DNAH5: variants seen among roughly 807,000 people sequenced by gnomAD.
The protein encoded by DNAH5 is axonemal beta dynein heavy chain 5.
A neutral mutation model predicts 518.2 loss-of-function variants in DNAH5; 372 were observed. The ratio of observed to expected loss-of-function variants is 0.72; its 90% CI spans 0.66 to 0.78. The LOEUF (loss-of-function observed/expected upper bound fraction) is 0.78, where lower values mean the gene tolerates loss of function less well. Ranked by LOEUF, DNAH5 falls within the 30% of genes least tolerant of loss-of-function variation. The pLI is 0.00. For missense variants in DNAH5, 5,523 were observed against 5,687.0 expected, an observed-to-expected ratio of 0.97 and a Z score of 0.93; for synonymous variants, 2,039 against 2,025.9, an observed-to-expected ratio of 1.01 and a Z score of -0.17.
At chr5:13,921,886 A>T (rs1317278838) in intron 5 of DNAH5, among the ~76,000 whole-genome samples, 1 of 152,134 alleles carries the variant, frequency 6.6e-6, no homozygotes, top group African/African-American at 2.4e-5. Flanking sequence ...AACACTGCCA[A>T]CGTTTTTATG....
At position 13,811,535 on chromosome 5, in the gene DNAH5, T is replaced by C. The variant is rs191436609; in HGVS notation, c.7407+112A>G. 8 of 1,044,086 alleles carry C rather than the reference T, an allele frequency of 7.7e-6. No individual in the cohort carries two copies. The African/African-American group carries it at 9.5e-5, about 12-fold the overall frequency. 64.7% of individuals were successfully genotyped at this position (1,044,086 alleles called of 1,614,324 possible). A position where few individuals can be genotyped will look rare whatever the true frequency, so the allele number is the denominator to read the frequency against. ...CTCTAACCAAATCTAATTTCAAATATAGTACTCTCTGTATAGCATGGCTAC... is the reference window on the plus strand; with the variant it reads ...CTCTAACCAAATCTAATTTCAAATACAGTACTCTCTGTATAGCATGGCTAC... On this transcript the variant is annotated intron_variant, in intron 44 of 78. Coordinates refer to ENST00000265104, the MANE Select transcript of DNAH5 (RefSeq NM_001369.3).
intron 65 of DNAH5, among the ~76,000 whole-genome samples, chr5:13,737,715 G>A (rs573274705): frequency 6.6e-6 from 1 of 150,820 alleles, no homozygotes; most frequent in East Asian, 2.0e-4. Context: ...ATTTGAAGTC[G>A]AAAGTTCGAG....
chr5:13,882,612 A>G, intron 21 of DNAH5, 116 bp downstream of exon 21: 1 of 844,584 alleles, frequency 1.2e-6, no homozygotes, highest in Non-Finnish European at 1.9e-6. Flanking sequence ...ATTGGCTCAT[A>G]GATTAATATT....
In DNAH5 at chr5:13,901,400, T is replaced by C. The variant is rs564653952; in HGVS notation, c.1904A>G (p.His635Arg). The change falls in exon 14 of 79, where the codon CAT becomes CGT. Residue 635 changes from histidine to arginine, a missense_variant. Transcript: ENST00000265104. ...GKILWARQLF[H>R]RIQQPMQLFQ... is the part of the protein sequence containing the mutation. ...AAGCTGCATGGGCTGCTGAATCCTATGGAAGAGCTGGCGGGCCCACAAAAT... is the reference window on the plus strand; with the variant it reads ...AAGCTGCATGGGCTGCTGAATCCTACGGAAGAGCTGGCGGGCCCACAAAAT... 14 of 1,614,122 alleles carry C rather than the reference T, an allele frequency of 8.7e-6. No homozygotes were observed. The East Asian group carries it at 1.3e-4, about 15-fold the overall frequency.
At chr5:13,793,758 A>G in intron 48 of DNAH5, 30 bp from the exon 49 acceptor site, 1 of 1,606,634 alleles carries the variant, frequency 6.2e-7, no homozygotes, top group Non-Finnish European at 8.5e-7. Context: ...GAATTAAAGC[A>G]TCATTCCTTT....
chr5:13,776,354 C>G, intron 55 of DNAH5, 85 bp downstream of exon 55: 1 of 1,565,600 alleles, frequency 6.4e-7, no homozygotes, highest in South Asian at 1.1e-5. Flanking sequence ...GGAGATCCAG[C>G]TGAGGCAGAG....
chr5:13,731,896 G>T (rs530975753), intron 68 of DNAH5, among the ~76,000 whole-genome samples: 3 of 152,300 alleles, frequency 2.0e-5, no homozygotes, highest in East Asian at 3.9e-4. Context: ...GACTTTGGGA[G>T]GAAAAGGCAA....
intron 24 of DNAH5, 41 bp downstream of exon 24, chr5:13,870,726 T>G: frequency 6.5e-7 from 1 of 1,539,200 alleles, no homozygotes; most frequent in Non-Finnish European, 9.0e-7. Context: ...GCATCCAACA[T>G]GTAGAAATAT....
chr5:13,935,700 G>A (rs1778859770), intron 1 of DNAH5, among the ~76,000 whole-genome samples: 1 of 152,112 alleles, frequency 6.6e-6, no homozygotes, highest in Non-Finnish European at 1.5e-5. Flanking sequence ...TTAGCAATTA[G>A]AACAGTGCAC....
At chr5:13,823,402 T>G in intron 39 of DNAH5, 32 bp from the exon 40 acceptor site, 1 of 1,406,146 alleles carries the variant, frequency 7.1e-7, no homozygotes, top group South Asian at 1.1e-5. Context: ...TCAGACCAAT[T>G]ATTCTGGTAT....
At chr5:14,009,822 C>T (rs1163837606) in intron 1 of DNAH5, among the ~76,000 whole-genome samples, 1 of 152,152 alleles carries the variant, frequency 6.6e-6, no homozygotes, top group Admixed American at 6.5e-5. Flanking sequence ...CCTGAGTGAA[C>T]AGAAAACCGA....
At chr5:13,767,284 C>T (rs537308635) in intron 58 of DNAH5, among the ~76,000 whole-genome samples, 16 of 152,112 alleles carry the variant, frequency 1.1e-4, no homozygotes, top group East Asian at 1.9e-4. Context: ...ACCACCATGC[C>T]GGGCTAATTT....
At chr5:14,002,640 CAT>C (rs1784441303) in intron 1 of DNAH5, among the ~76,000 whole-genome samples, 1 of 72,116 alleles carries the variant, frequency 1.4e-5, no homozygotes, top group South Asian at 6.1e-4. Context: ...TACACAGATA[CAT>C]ACACACACAG....
intron 67 of DNAH5, 59 bp downstream of exon 67, chr5:13,735,759 T>C (rs1747307292): frequency 1.6e-6 from 2 of 1,238,088 alleles, no homozygotes; most frequent in South Asian, 2.4e-5. Flanking sequence ...ATAAATGTAA[T>C]GTCATCATTT....
chr5:13,701,027 C>T (rs916523694), intron 77 of DNAH5, among the ~76,000 whole-genome samples, 156 bp from the exon 78 acceptor site: 1 of 152,076 alleles, frequency 6.6e-6, no homozygotes, highest in African/African-American at 2.4e-5. Flanking sequence ...AAAAAAACCA[C>T]ATCCTAATTG....
At chr5:13,971,788 C>T (rs1781889924) in intron 1 of DNAH5, among the ~76,000 whole-genome samples, 1 of 152,062 alleles carries the variant, frequency 6.6e-6, no homozygotes, top group African/African-American at 2.4e-5. Context: ...AAGACAGCAT[C>T]AGTTGTGGTA....
rs74388007 is a variant in DNAH5 at position 13,917,287 on chromosome 5, G to A, written c.976-31C>T. On this transcript the variant is annotated intron_variant, in intron 7 of 78. Coordinates refer to ENST00000265104, the MANE Select transcript of DNAH5 (RefSeq NM_001369.3). ...CACAATAGGGAAAAGCAATTTTAAT[G>A]TAATTATTAATAGAGGAACTTCCAA... The A allele has an allele frequency of 4.1e-3, 6,253 of 1,526,482 alleles. 227 individuals are homozygous for A. The African/African-American group carries it at 0.075, about 18-fold the overall frequency. The allele number at this position is 1,526,482 out of a possible 1,614,324, so 94.6% of individuals were successfully genotyped here. A position where few individuals can be genotyped will look rare whatever the true frequency, so the allele number is the denominator to read the frequency against.
Position 13,762,894 on chromosome 5 carries a change from G to T in DNAH5, c.10109C>A (p.Pro3370Gln). The stretch of plus-strand genomic sequence containing the variant: ...CACCTCTTCATTGATTGTGTCTTTT[G>T]GGAATTGCTATGGAAGAAAAGAGTA... ...GNFLQNLQQF[P>Q]KDTINEEVIE... Residue 3370 changes from proline to glutamine, a missense_variant, in exon 60 of 79, where the codon CCA (proline) becomes CAA (glutamine). By Grantham distance (76) the Pro-to-Gln change is moderately conservative (BLOSUM62 -1). Transcript: ENST00000265104. 2 of 1,613,522 alleles carry T rather than the reference G, an allele frequency of 1.2e-6. No homozygotes were observed. The highest frequency in any genetic ancestry group is 1.7e-6 in the Non-Finnish European group (2 of 1,179,608).
At chr5:13,950,188 C>G (rs1313608897) in intron 1 of DNAH5, among the ~76,000 whole-genome samples, 1 of 152,174 alleles carries the variant, frequency 6.6e-6, no homozygotes, top group Non-Finnish European at 1.5e-5. Context: ...CACTGCAGTA[C>G]TGTTATGCCT....
Sources: allele counts gnomAD v4.1 joint callset (sites outside exome capture counted in the v4.1 genomes callset), GRCh38; gene constraint gnomAD v4.1.1; transcripts MANE v1.5; gene names NCBI Gene and HGNC (gene_info 2026-07-23, HGNC 2026-07-21).